The following HECA variants were observed in gnomAD, a reference collection of about 807,000 sequenced individuals.
The protein encoded by HECA is HECA ribonucleoprotein granule regulator, also known as headcase protein homolog.
In HECA, 13 loss-of-function variants were observed where a neutral mutation model predicts 37.6. That is an observed-to-expected ratio of 0.35 (90% CI 0.23 to 0.55). The LOEUF (loss-of-function observed/expected upper bound fraction) is 0.55. HECA is among the 20% of genes least tolerant of loss of function. The pLI, the probability that HECA is intolerant of heterozygous loss-of-function variation, is 0.90. For missense variants in HECA, 527 were observed against 701.9 expected (o/e 0.75, Z 2.82); for synonymous variants, 307 against 291.5 (o/e 1.05, Z -0.54).
At chr6:139,157,050 A>C (rs1774726264) in intron 1 of HECA, among the ~76,000 whole-genome samples, 1 of 152,248 alleles carries the variant, frequency 6.6e-6, no homozygotes, top group South Asian at 2.1e-4. Context: ...GAGCAGCCCC[A>C]AGGGCTGCTG....
At chr6:139,143,253 G>A (rs1209750330) in intron 1 of HECA, among the ~76,000 whole-genome samples, 1 of 152,154 alleles carries the variant, frequency 6.6e-6, no homozygotes, top group Non-Finnish European at 1.5e-5. Flanking sequence ...TGTGAAAGAC[G>A]TTGGCACAGG....
intron 1 of HECA, among the ~76,000 whole-genome samples, chr6:139,137,351 T>C (rs914868070): frequency 1.3e-5 from 2 of 152,208 alleles, no homozygotes; most frequent in South Asian, 2.1e-4. Flanking sequence ...CCTAGTGTTA[T>C]TGAGAGGCTC....
At chr6:139,153,432 T>A (rs1052697855) in intron 1 of HECA, among the ~76,000 whole-genome samples, 6 of 152,060 alleles carry the variant, frequency 3.9e-5, no homozygotes, top group African/African-American at 1.4e-4. Context: ...TAATTTTTTT[T>A]TTTTTTTGAG....
intron 1 of HECA, among the ~76,000 whole-genome samples, chr6:139,156,142 G>A (rs1245201545): frequency 9.8e-6 from 1 of 102,128 alleles, no homozygotes; most frequent in Non-Finnish European, 2.0e-5. Flanking sequence ...AAGGATTTTG[G>A]TGACGTTTGT....
rs541271462 is a variant in HECA at position 139,179,672 on chromosome 6, C to T, written c.*2567C>T. 2 of 152,142 alleles carry T rather than the reference C, an allele frequency of 1.3e-5. No homozygotes were observed. Among genetic ancestry groups the T allele is most frequent in the Non-Finnish European group, 2.9e-5 (2 of 68,024 alleles). The allele number at this position is 152,142 out of a possible 1,614,324, so 9.4% of individuals were successfully genotyped here. On this transcript the variant is annotated 3_prime_UTR_variant, in exon 4 of 4. Coordinates refer to ENST00000367658, the MANE Select transcript of HECA (RefSeq NM_016217.3). ...TAAAATATAATCGAATATTCAACAC[C>T]ATGAAGATAAATCTTATTTTGGAAA...
At chr6:139,166,047 G>T (rs2114472173) in intron 1 of HECA, 2 of 443,734 alleles carry the variant, frequency 4.5e-6, no homozygotes, top group South Asian at 9.4e-5. Flanking sequence ...ACAACCTAAA[G>T]CTCAGGATGA....
At position 139,178,096 on chromosome 6, in the gene HECA, A is replaced by G. The variant is rs1189708504; in HGVS notation, c.*991A>G. 1 of 152,256 alleles carries G rather than the reference A, an allele frequency of 6.6e-6. No individual in the cohort carries two copies. The highest frequency in any genetic ancestry group is 1.9e-4 in the East Asian group (1 of 5,206). The allele number at this position is 152,256 out of a possible 1,614,324, so 9.4% of individuals were successfully genotyped here. ...GATTTGACCTTAAGAGGGAAGGGAA[A>G]AAAGTGTGAAAGGATGATGAAGAAA... On this transcript the variant is annotated 3_prime_UTR_variant, in exon 4 of 4. Coordinates refer to ENST00000367658, the MANE Select transcript of HECA (RefSeq NM_016217.3).
chr6:139,165,688 G>C (rs1209170821), intron 1 of HECA, among the ~76,000 whole-genome samples: 1 of 151,714 alleles, frequency 6.6e-6, no homozygotes, highest in Non-Finnish European at 1.5e-5. Flanking sequence ...TAAGGAATCA[G>C]TGGAGTTCCC....
chr6:139,142,230 C>T (rs932205274), intron 1 of HECA, among the ~76,000 whole-genome samples: 2 of 151,754 alleles, frequency 1.3e-5, no homozygotes, highest in Non-Finnish European at 2.9e-5. Context: ...CTGACCATGG[C>T]CTAAACACCT....
chr6:139,164,450 G>C (rs1197192636), intron 1 of HECA, among the ~76,000 whole-genome samples: 1 of 152,114 alleles, frequency 6.6e-6, no homozygotes, highest in Non-Finnish European at 1.5e-5. Context: ...GCTTCCTGTA[G>C]TGTGCTGGAC....
At chr6:139,145,210 CA>C (rs199841122) in intron 1 of HECA, among the ~76,000 whole-genome samples, 1 of 152,216 alleles carries the variant, frequency 6.6e-6, no homozygotes, top group East Asian at 1.9e-4. Context: ...TTCCAGTTTT[CA>C]GTGGTTAGCG....
intron 1 of HECA, among the ~76,000 whole-genome samples, chr6:139,162,076 G>A (rs566957325): frequency 8.9e-4 from 136 of 152,268 alleles, no homozygotes; most frequent in Non-Finnish European, 1.5e-3. Context: ...CAGCACTGGA[G>A]TTTTACAAAG....
chr6:139,154,607 G>A (rs1211272052), intron 1 of HECA, among the ~76,000 whole-genome samples: 1 of 152,182 alleles, frequency 6.6e-6, no homozygotes, highest in Non-Finnish European at 1.5e-5. Flanking sequence ...TTACCTGTTG[G>A]GCAGACAAGG....
chr6:139,153,292 GT>G (rs2114450419), intron 1 of HECA: 1 of 152,234 alleles, frequency 6.6e-6, no homozygotes, highest in South Asian at 2.1e-4. Context: ...GTCACACCCA[GT>G]TTTCTAAAGA....
chr6:139,135,469 A>G lies in HECA; in HGVS notation c.73A>G (p.Asn25Asp), dbSNP rs1265598990. Residue 25 changes from asparagine (N) to aspartate (D), a missense_variant, in exon 1 of 4, where the codon AAT becomes GAT. By Grantham distance (23) the Asn-to-Asp change is conservative (BLOSUM62 1). Around this residue, in one of 4 missense-constraint regions of HECA, gnomAD observed 172 missense variants for 197.6 expected, o/e 0.87. Coordinates refer to ENST00000367658, the MANE Select transcript of HECA (RefSeq NM_016217.3). ...CAACAGCAGCGGCGACGAGCAGGAA[A>G]ATGGAGCCGGGGCCCTGGCAGCGGC... ...RANSSGDEQE[N>D]GAGALAAAGA... 1 of 1,308,564 alleles carries G rather than the reference A, an allele frequency of 7.6e-7. No individual in the cohort carries two copies. Among genetic ancestry groups the G allele is most frequent in the Admixed American group, 2.8e-5 (1 of 36,290 alleles). The allele number at this position is 1,308,564 out of a possible 1,614,324, so 81.1% of individuals were successfully genotyped here.
At chr6:139,172,464 C>G (rs1774987765) in intron 2 of HECA, among the ~76,000 whole-genome samples, 2 of 152,224 alleles carry the variant, frequency 1.3e-5, no homozygotes, top group Non-Finnish European at 2.9e-5. Context: ...CGTTTGCTCT[C>G]TTTCCCTCTG....
intron 1 of HECA, among the ~76,000 whole-genome samples, chr6:139,164,087 C>G (rs1363279811): frequency 6.6e-5 from 10 of 151,544 alleles, no homozygotes; most frequent in Admixed American, 6.6e-4. Flanking sequence ...CACACTCTCT[C>G]TCTCTCTCTC....
chr6:139,140,290 G>A (rs562578948), intron 1 of HECA, among the ~76,000 whole-genome samples: 18 of 152,270 alleles, frequency 1.2e-4, no homozygotes, highest in African/African-American at 4.3e-4. Flanking sequence ...AGGTATATAG[G>A]TTACCATTAT....
chr6:139,150,528 ATAAT>A (rs779269938), intron 1 of HECA, among the ~76,000 whole-genome samples: 13 of 151,348 alleles, frequency 8.6e-5, no homozygotes, highest in African/African-American at 2.2e-4. Context: ...TAATTTTTAA[ATAAT>A]TAATTTTAAA....
Sources: gnomAD v4.1 joint callset for allele counts (sites outside exome capture counted in the v4.1 genomes callset) on GRCh38, gnomAD v4.1.1 for gene constraint, gnomAD v4.1.1 regional missense constraint, MANE v1.5 for transcripts, NCBI Gene and HGNC (gene_info 2026-07-23, HGNC 2026-07-21) for gene names.